Variants in TMCO5A observed in about 807,000 individuals in gnomAD.
TMCO5A encodes transmembrane and coiled-coil domains 5A, also known as transmembrane and coiled-coil domain-containing protein 5A.
In TMCO5A, 34 loss-of-function variants were observed where a neutral mutation model predicts 42.3. The observed-to-expected ratio is 0.80, with a 90% CI of 0.61 to 1.07. The LOEUF (loss-of-function observed/expected upper bound fraction) is 1.07, where lower values mean the gene tolerates loss of function less well. Ranked by LOEUF, TMCO5A falls within the 50% of genes least tolerant of loss-of-function variation. TMCO5A has a pLI of 0.00. For missense variants in TMCO5A, 357 were observed against 327.9 expected (o/e 1.09, Z -0.69); for synonymous variants, 131 against 115.6 (o/e 1.13, Z -0.86).
the TMCO5A span, among the ~76,000 whole-genome samples, chr15:37,987,542 C>T: frequency 1.3e-4 from 19 of 151,808 alleles, no homozygotes; most frequent in African/African-American, 4.4e-4. Context: ...TTTTTGCATA[C>T]GATGTTATGT....
At chr15:37,960,615 C>G (rs1207137425) in intron 11 of TMCO5A, among the ~76,000 whole-genome samples, 1 of 152,090 alleles carries the variant, frequency 6.6e-6, no homozygotes, top group African/African-American at 2.4e-5. Context: ...CACTGTTTTC[C>G]ATAGTGTTTG....
intron 11 of TMCO5A, among the ~76,000 whole-genome samples, chr15:37,959,579 A>AC (rs200079674): frequency 0.016 from 2,433 of 152,190 alleles, 70 homozygotes; most frequent in African/African-American, 0.055. Context: ...AGAATGAAGG[A>AC]AAAAACCCTA....
In TMCO5A at chr15:37,951,091, A is replaced by G. The variant is rs140904794; in HGVS notation, c.724A>G (p.Met242Val). ...ATTTTTCATCAGACTGCTGAGCTACATGTTTTTTCATGTAAGATTCATAAA... is the reference window on the plus strand; with the variant it reads ...ATTTTTCATCAGACTGCTGAGCTACGTGTTTTTTCATGTAAGATTCATAAA... ...TLFFIRLLSYMFFHVRFINPD... is the reference protein window; with the variant it reads ...TLFFIRLLSYVFFHVRFINPD... Residue 242 changes from methionine (M) to valine (V), a missense_variant, in exon 12 of 12, where the codon ATG (methionine) becomes GTG (valine). Physicochemically the swap from Met to Val is conservative, Grantham distance 21 (BLOSUM62 1). Transcript: ENST00000319669. The G allele has an allele frequency of 1.1e-5, 17 of 1,613,126 alleles. No homozygotes were observed. Among genetic ancestry groups the G allele is most frequent in the Non-Finnish European group, 1.4e-5 (17 of 1,179,838 alleles).
intron 6 of TMCO5A, among the ~76,000 whole-genome samples, chr15:37,938,901 G>A (rs61091360): frequency 0.038 from 5,716 of 152,134 alleles, 387 homozygotes; most frequent in African/African-American, 0.13. Context: ...ATGAGAGAGA[G>A]AGAGAAATTT....
At chr15:38,023,285 A>G in the TMCO5A span, among the ~76,000 whole-genome samples, 2 of 152,148 alleles carry the variant, frequency 1.3e-5, no homozygotes, top group South Asian at 2.1e-4. Flanking sequence ...AAATACAAGA[A>G]TATTTCACTC....
chr15:37,941,981 A>G (rs1889762980), intron 8 of TMCO5A, among the ~76,000 whole-genome samples: 1 of 152,124 alleles, frequency 6.6e-6, no homozygotes, highest in Non-Finnish European at 1.5e-5. Flanking sequence ...TCTGCTATTT[A>G]TAATGTCAAT....
At chr15:38,004,524 C>T in the TMCO5A span, among the ~76,000 whole-genome samples, 1 of 152,148 alleles carries the variant, frequency 6.6e-6, no homozygotes, top group Non-Finnish European at 1.5e-5. Context: ...GTTTAGCCAA[C>T]AGTGGTGCTG....
chr15:37,955,766 C>T (rs993844490), downstream of TMCO5A, among the ~76,000 whole-genome samples: 6 of 152,178 alleles, frequency 3.9e-5, no homozygotes, highest in South Asian at 2.1e-4. Flanking sequence ...CTACAGAAGT[C>T]TCCACCCCAA....
chr15:38,007,959 G>A, the TMCO5A span, among the ~76,000 whole-genome samples: 104 of 129,324 alleles, frequency 8.0e-4, 2 homozygotes, highest in East Asian at 0.017. Context: ...GCAGTGGCAC[G>A]ATCTCGGCTC....
chr15:37,961,221 G>A (rs904352103), intron 11 of TMCO5A, among the ~76,000 whole-genome samples: 1 of 152,066 alleles, frequency 6.6e-6, no homozygotes, highest in Non-Finnish European at 1.5e-5. Context: ...TTTTGTATAA[G>A]GCAAGAGATG....
intron 1 of TMCO5A, 125 bp from the exon 2 acceptor site, chr15:37,935,132 G>T (rs1433166594): frequency 6.6e-6 from 1 of 152,104 alleles, no homozygotes; most frequent in Non-Finnish European, 1.5e-5. Context: ...AAAATGTGGG[G>T]ATTAGAGGGA....
the TMCO5A span, among the ~76,000 whole-genome samples, chr15:37,977,913 G>A: frequency 2.0e-3 from 302 of 152,354 alleles, 1 homozygote; most frequent in African/African-American, 6.9e-3. Context: ...AGTGGGGGCA[G>A]GGAACTCATG....
At chr15:37,978,013 A>G in the TMCO5A span, among the ~76,000 whole-genome samples, 1 of 152,196 alleles carries the variant, frequency 6.6e-6, no homozygotes, top group Non-Finnish European at 1.5e-5. Flanking sequence ...CCCAGTCTGA[A>G]GTCAGCAAGG....
intron 10 of TMCO5A, among the ~76,000 whole-genome samples, chr15:37,946,486 A>G (rs983428247): frequency 1.3e-5 from 2 of 152,144 alleles, no homozygotes; most frequent in African/African-American, 4.8e-5. Context: ...GATTCTTTCT[A>G]TCCATGAACA....
chr15:37,939,666 T>C (rs1419758755), intron 6 of TMCO5A, among the ~76,000 whole-genome samples: 1 of 152,062 alleles, frequency 6.6e-6, no homozygotes, highest in Non-Finnish European at 1.5e-5. Context: ...TTTGAACCAC[T>C]CTTTGCCCAC....
chr15:37,999,872 T>A, the TMCO5A span, among the ~76,000 whole-genome samples: 1 of 152,216 alleles, frequency 6.6e-6, no homozygotes. Flanking sequence ...CTGGAATAAA[T>A]CCCACTTGGT....
chr15:37,942,893 T>A (rs1199098806), intron 9 of TMCO5A: 1 of 153,390 alleles, frequency 6.5e-6, no homozygotes, highest in Non-Finnish European at 1.5e-5. Flanking sequence ...AAGAAGTATT[T>A]CTATTTATGA....
At chr15:37,980,528 C>T in the TMCO5A span, among the ~76,000 whole-genome samples, 1 of 151,484 alleles carries the variant, frequency 6.6e-6, no homozygotes, top group Non-Finnish European at 1.5e-5. Flanking sequence ...CCCAACTTGT[C>T]CACCTGCATG....
At chr15:37,968,027 G>A (rs1488001696), downstream of TMCO5A, among the ~76,000 whole-genome samples, 1 of 152,210 alleles carries the variant, frequency 6.6e-6, no homozygotes, top group Non-Finnish European at 1.5e-5. Flanking sequence ...AAACCAGGAT[G>A]TATTGTTACC....
Sources: gnomAD v4.1 joint callset for allele counts (sites outside exome capture counted in the v4.1 genomes callset) on GRCh38, gnomAD v4.1.1 for gene constraint, MANE v1.5 for transcripts, NCBI Gene and HGNC (gene_info 2026-07-23, HGNC 2026-07-21) for gene names.